CNTN5: variants seen among roughly 807,000 people sequenced by gnomAD.
The protein encoded by CNTN5 is contactin 5.
A neutral mutation model predicts 129.1 loss-of-function variants in CNTN5; 77 were observed. The ratio of observed to expected loss-of-function variants is 0.60; its 90% CI spans 0.50 to 0.72. CNTN5 has a LOEUF of 0.72. CNTN5 is among the 30% of genes least tolerant of loss of function. CNTN5 has a pLI of 0.00. For missense variants in CNTN5, 1,478 were observed against 1,328.8 expected, an observed-to-expected ratio of 1.11 and a Z score of -1.75; for synonymous variants, 509 against 465.6, an observed-to-expected ratio of 1.09 and a Z score of -1.20.
At chr11:99,600,733 C>T (rs972462679) in intron 3 of CNTN5, among the ~76,000 whole-genome samples, 3 of 142,518 alleles carry the variant, frequency 2.1e-5, no homozygotes, top group Admixed American at 7.4e-5. Flanking sequence ...TGTTGGAGCA[C>T]CTAAATGAGG....
At chr11:99,584,755 G>C (rs1001264206) in intron 3 of CNTN5, among the ~76,000 whole-genome samples, 1 of 152,224 alleles carries the variant, frequency 6.6e-6, no homozygotes, top group Non-Finnish European at 1.5e-5. Flanking sequence ...GCTTTCATTT[G>C]AGATTGTGTA....
chr11:99,984,136 G>T (rs946929123), intron 8 of CNTN5, among the ~76,000 whole-genome samples: 2 of 152,020 alleles, frequency 1.3e-5, no homozygotes, highest in African/African-American at 4.8e-5. Flanking sequence ...TTTTAGCTGG[G>T]CATGGTGGTA....
intron 18 of CNTN5, among the ~76,000 whole-genome samples, chr11:100,277,109 A>G (rs768635283): frequency 3.3e-5 from 5 of 152,162 alleles, no homozygotes; most frequent in Admixed American, 6.5e-5. Context: ...TTCACTTAAC[A>G]TGATGATCTC....
chr11:100,096,781 G>C (rs1219175766), intron 13 of CNTN5, among the ~76,000 whole-genome samples: 1 of 152,000 alleles, frequency 6.6e-6, no homozygotes, highest in Admixed American at 6.6e-5. Flanking sequence ...TTTGGCCTGG[G>C]GACCAATAAT....
chr11:99,673,198 A>G (rs892328535), intron 3 of CNTN5, among the ~76,000 whole-genome samples: 10 of 152,170 alleles, frequency 6.6e-5, no homozygotes, highest in Non-Finnish European at 1.5e-4. Context: ...TCTCAGAGAG[A>G]GGATGGACAT....
chr11:99,648,276 T>C (rs369557824), intron 3 of CNTN5, among the ~76,000 whole-genome samples: 1 of 152,060 alleles, frequency 6.6e-6, no homozygotes, highest in South Asian at 2.1e-4. Flanking sequence ...GATAAATAAA[T>C]CCCACTTGAT....
chr11:99,667,010 T>G (rs1952819850), intron 3 of CNTN5, among the ~76,000 whole-genome samples: 1 of 151,970 alleles, frequency 6.6e-6, no homozygotes, highest in Non-Finnish European at 1.5e-5. Flanking sequence ...AATGCTTTAA[T>G]AATAATTAGA....
intron 9 of CNTN5, among the ~76,000 whole-genome samples, chr11:100,047,184 C>CCAA (rs775616563): frequency 6.6e-6 from 1 of 151,882 alleles, no homozygotes; most frequent in Non-Finnish European, 1.5e-5. Flanking sequence ...AACCTGAAAA[C>CCAA]CAACAAAGAG....
chr11:99,365,764 A>C (rs1939409190), intron 2 of CNTN5, among the ~76,000 whole-genome samples: 1 of 152,150 alleles, frequency 6.6e-6, no homozygotes, highest in African/African-American at 2.4e-5. Flanking sequence ...GTCTCTTAGT[A>C]AACATTTAGT....
chr11:99,882,230 G>T (rs1484616775), intron 6 of CNTN5, among the ~76,000 whole-genome samples: 2 of 152,156 alleles, frequency 1.3e-5, no homozygotes, highest in Non-Finnish European at 2.9e-5. Flanking sequence ...GTTTTCATCA[G>T]TAAGTGATCT....
At chr11:99,463,415 G>A (rs1224844957) in intron 2 of CNTN5, among the ~76,000 whole-genome samples, 1 of 118,846 alleles carries the variant, frequency 8.4e-6, no homozygotes, top group African/African-American at 3.2e-5. Flanking sequence ...TCCAACCTGG[G>A]CAACAGAGCG....
intron 4 of CNTN5, 93 bp from the exon 5 acceptor site, chr11:99,844,759 G>T (rs2135695524): frequency 1.6e-6 from 2 of 1,267,526 alleles, no homozygotes; most frequent in African/African-American, 1.5e-5. Flanking sequence ...AAAAGAGCAA[G>T]AATTTTGAAT....
intron 1 of CNTN5, among the ~76,000 whole-genome samples, chr11:99,085,066 A>G (rs1013447587): frequency 2.0e-5 from 3 of 151,430 alleles, no homozygotes; most frequent in Non-Finnish European, 4.4e-5. Context: ...TTTTTTTGAA[A>G]TGGAGTCTTT....
chr11:99,657,710 T>G (rs1016837987), intron 3 of CNTN5, among the ~76,000 whole-genome samples: 1 of 152,136 alleles, frequency 6.6e-6, no homozygotes, highest in African/African-American at 2.4e-5. Flanking sequence ...CGTATTATAA[T>G]GAATGGTAAC....
chr11:99,275,153 G>A (rs1279038599), intron 1 of CNTN5, among the ~76,000 whole-genome samples: 1 of 150,878 alleles, frequency 6.6e-6, no homozygotes, highest in South Asian at 2.1e-4. Flanking sequence ...ATGAAATGCT[G>A]CCTCCTCTAT....
chr11:99,043,359 C>T (rs1362084780), intron 1 of CNTN5, among the ~76,000 whole-genome samples: 7 of 144,720 alleles, frequency 4.8e-5, no homozygotes, highest in African/African-American at 1.5e-4. Context: ...GGGTGCAGCG[C>T]ACCAGCATGG....
At chr11:99,581,755 C>A (rs1402118191) in intron 3 of CNTN5, among the ~76,000 whole-genome samples, 1 of 152,276 alleles carries the variant, frequency 6.6e-6, no homozygotes, top group Non-Finnish European at 1.5e-5. Flanking sequence ...TTCCTGAATA[C>A]AGCACACTGT....
At chr11:99,050,170 A>G (rs1204210137) in intron 1 of CNTN5, among the ~76,000 whole-genome samples, 1 of 152,118 alleles carries the variant, frequency 6.6e-6, no homozygotes, top group East Asian at 1.9e-4. Flanking sequence ...GAGTATCGAG[A>G]ATTACTGCCA....
chr11:99,495,087 C>A (rs1946173943), intron 2 of CNTN5, among the ~76,000 whole-genome samples: 1 of 152,052 alleles, frequency 6.6e-6, no homozygotes, highest in Non-Finnish European at 1.5e-5. Flanking sequence ...TAAATCACCC[C>A]TGCTGGGCGT....
Sources: gnomAD v4.1 joint callset for allele counts (sites outside exome capture counted in the v4.1 genomes callset) on GRCh38, gnomAD v4.1.1 for gene constraint, MANE v1.5 for transcripts, NCBI Gene and HGNC (gene_info 2026-07-23, HGNC 2026-07-21) for gene names.